The following HS6ST3 variants were observed in gnomAD, a reference collection of about 807,000 sequenced individuals.
The protein encoded by HS6ST3 is heparan-sulfate 6-O-sulfotransferase 3.
In HS6ST3, 12 loss-of-function variants were observed where a neutral mutation model predicts 36.7. The ratio of observed to expected loss-of-function variants is 0.33; its 90% confidence interval spans 0.21 to 0.53. HS6ST3 has a LOEUF of 0.53. Ranked by LOEUF, HS6ST3 falls within the 20% of genes least tolerant of loss-of-function variation. The pLI is 0.95. For synonymous variants in HS6ST3, 240 were observed against 257.5 expected (o/e 0.93, Z 0.65); for missense variants, 584 against 640.9 (o/e 0.91, Z 0.96).
rs747363515 is a variant in HS6ST3, at chr13:96,476,612, C to T, written c.708-355878C>T. 7.9e-5 allele frequency among the ~76,000 whole-genome samples: 12 copies of T among 152,296 alleles called. No individual in the cohort carries two copies. In the South Asian group the frequency reaches 1.2e-3, roughly 16 times the overall value. ...TCCTGACCTCGTGATTGGCCAGCCT[C>T]GGCCTCCCAAAGTGCTGGGATTACA... On this transcript the variant is annotated intron_variant, in intron 1 of 1. Transcript: ENST00000376705.
intron 1 of HS6ST3, among the ~76,000 whole-genome samples, chr13:96,386,951 CAG>C (rs1403722159): frequency 6.6e-6 from 1 of 151,880 alleles, no homozygotes; most frequent in Non-Finnish European, 1.5e-5. Context: ...TTTTTGGAAA[CAG>C]GGTCTTATTC....
rs114458532 is a variant in HS6ST3, at chr13:96,767,206, T to C, written c.708-65284T>C. Among the ~76,000 whole-genome samples, 761 of 152,322 alleles carry C rather than the reference T, an allele frequency of 5.0e-3. 4 individuals carry two copies. The highest frequency in any genetic ancestry group is 0.017 in the African/African-American group (715 of 41,570). ...TAACATAGCAAGTATTCAACAACTA[T>C]TTTCAATAATTCATTAAACAAACAT... is the stretch of plus-strand genomic sequence containing the variant. On this transcript the variant is annotated intron_variant, in intron 1 of 1. Coordinates refer to ENST00000376705, the MANE Select transcript of HS6ST3 (RefSeq NM_153456.4).
intron 1 of HS6ST3, among the ~76,000 whole-genome samples, chr13:96,300,114 T>A (rs2054874731): frequency 7.5e-6 from 1 of 133,716 alleles, no homozygotes; most frequent in Non-Finnish European, 1.5e-5. Context: ...TGGAGTGCAG[T>A]GGTGTGATCT....
intron 1 of HS6ST3, among the ~76,000 whole-genome samples, chr13:96,612,469 T>A (rs2138989473): frequency 6.6e-6 from 1 of 152,260 alleles, no homozygotes; most frequent in Non-Finnish European, 1.5e-5. Context: ...ATAAAGTTAT[T>A]TCCAAATATA....
intron 1 of HS6ST3, among the ~76,000 whole-genome samples, chr13:96,286,535 T>C (rs976190897): frequency 6.6e-6 from 1 of 152,192 alleles, no homozygotes; most frequent in Non-Finnish European, 1.5e-5. Flanking sequence ...TGTAGGTCTA[T>C]AGGCATGAAG....
chr13:96,197,656 A>G (rs1038446009), intron 1 of HS6ST3, among the ~76,000 whole-genome samples: 3 of 152,188 alleles, frequency 2.0e-5, no homozygotes, highest in Non-Finnish European at 4.4e-5. Context: ...TCCTAGATAC[A>G]ATGAGGGTAC....
intron 1 of HS6ST3, among the ~76,000 whole-genome samples, chr13:96,123,290 T>G (rs1458320298): frequency 6.6e-6 from 1 of 152,222 alleles, no homozygotes; most frequent in Non-Finnish European, 1.5e-5. Context: ...GCTTATATTT[T>G]TTTAGAAGAA....
chr13:96,178,864 C>A (rs968575094), intron 1 of HS6ST3, among the ~76,000 whole-genome samples: 1 of 152,158 alleles, frequency 6.6e-6, no homozygotes, highest in Non-Finnish European at 1.5e-5. Context: ...AAAGCTGGAT[C>A]TTTCATTTAG....
intron 1 of HS6ST3, among the ~76,000 whole-genome samples, chr13:96,230,040 T>C (rs973383691): frequency 6.6e-6 from 1 of 152,128 alleles, no homozygotes; most frequent in African/African-American, 2.4e-5. Flanking sequence ...GGTTAGAGCA[T>C]GGGAGGAACA....
At chr13:96,274,180 A>G (rs2054736434) in intron 1 of HS6ST3, among the ~76,000 whole-genome samples, 1 of 151,742 alleles carries the variant, frequency 6.6e-6, no homozygotes, top group African/African-American at 2.4e-5. Flanking sequence ...GTGGTATAAA[A>G]TATGGCCACT....
At chr13:96,731,756 G>A (rs531630351) in intron 1 of HS6ST3, among the ~76,000 whole-genome samples, 9 of 151,848 alleles carry the variant, frequency 5.9e-5, no homozygotes, top group African/African-American at 1.7e-4. Flanking sequence ...CCCTGGCTCA[G>A]GCAATCCTCT....
intron 1 of HS6ST3, among the ~76,000 whole-genome samples, chr13:96,720,864 A>G (rs1163785891): frequency 1.3e-5 from 2 of 152,168 alleles, no homozygotes; most frequent in African/African-American, 2.4e-5. Flanking sequence ...TGTCTTTCCT[A>G]TAGCATGTTT....
intron 1 of HS6ST3, among the ~76,000 whole-genome samples, chr13:96,808,556 T>TGAAC (rs1878249391): frequency 6.6e-6 from 1 of 152,202 alleles, no homozygotes; most frequent in African/African-American, 2.4e-5. Context: ...ACACGTGACT[T>TGAAC]GAACGTAAAA....
At chr13:96,391,022 A>G (rs1051322537) in intron 1 of HS6ST3, among the ~76,000 whole-genome samples, 1 of 152,114 alleles carries the variant, frequency 6.6e-6, no homozygotes, top group African/African-American at 2.4e-5. Flanking sequence ...CTTTTCTGCC[A>G]GCCTGATCCC....
intron 1 of HS6ST3, among the ~76,000 whole-genome samples, chr13:96,154,018 G>C (rs1253273936): frequency 6.6e-6 from 1 of 151,992 alleles, no homozygotes; most frequent in African/African-American, 2.4e-5. Context: ...TTGTAATATG[G>C]GAAAGCTAAT....
intron 1 of HS6ST3, among the ~76,000 whole-genome samples, chr13:96,342,960 A>G (rs2055137528): frequency 6.6e-6 from 1 of 152,214 alleles, no homozygotes; most frequent in African/African-American, 2.4e-5. Flanking sequence ...TCATGTCTGT[A>G]TTCTGTCCTC....
chr13:96,253,245 C>T (rs1436901693), intron 1 of HS6ST3, among the ~76,000 whole-genome samples: 2 of 152,082 alleles, frequency 1.3e-5, no homozygotes, highest in African/African-American at 4.8e-5. Context: ...TCCCCTACCC[C>T]TTGCTCCTAG....
chr13:96,677,494 TACAC>T (rs1466808000), intron 1 of HS6ST3, among the ~76,000 whole-genome samples: 1 of 152,154 alleles, frequency 6.6e-6, no homozygotes, highest in Admixed American at 6.6e-5. Flanking sequence ...TGTGTACACT[TACAC>T]ATATATATAC....
At chr13:96,564,418 A>C (rs1365117991) in intron 1 of HS6ST3, among the ~76,000 whole-genome samples, 1 of 152,222 alleles carries the variant, frequency 6.6e-6, no homozygotes, top group African/African-American at 2.4e-5. Context: ...TTTCCTTCAC[A>C]GATCATTGGG....
Sources: allele counts gnomAD v4.1 joint callset (sites outside exome capture counted in the v4.1 genomes callset), GRCh38; gene constraint gnomAD v4.1.1; transcripts MANE v1.5; gene names NCBI Gene and HGNC (gene_info 2026-07-23, HGNC 2026-07-21).